RAB39A: variants seen among roughly 807,000 people sequenced by gnomAD.
RAB39A encodes the protein RAB39A, member RAS oncogene family.
RAB39A carries 17 observed loss-of-function variants against 20.9 expected under a neutral mutation model. The observed-to-expected ratio is 0.81, with a 90% CI of 0.56 to 1.22. The LOEUF (loss-of-function observed/expected upper bound fraction) is 1.22. Among genes scored for constraint, RAB39A ranks in the 50% most tolerant of loss-of-function variants. RAB39A has a pLI of 0.00. For synonymous variants in RAB39A, 99 were observed against 103.4 expected (o/e 0.96, Z 0.26); for missense variants, 234 against 270.5 (o/e 0.87, Z 0.95).
intron 1 of RAB39A, among the ~76,000 whole-genome samples, chr11:107,942,815 C>T (rs1294840386): frequency 1.3e-5 from 2 of 151,862 alleles, no homozygotes; most frequent in Non-Finnish European, 2.9e-5. Flanking sequence ...GTGTGTATGT[C>T]TCCAGAGGGC....
At chr11:107,950,598 C>T (rs1350989324) in intron 1 of RAB39A, among the ~76,000 whole-genome samples, 1 of 151,926 alleles carries the variant, frequency 6.6e-6, no homozygotes. Flanking sequence ...GAAACTTCGT[C>T]TCTACAAAAA....
At chr11:107,935,587 G>A in intron 1 of RAB39A, among the ~76,000 whole-genome samples, 1 of 152,008 alleles carries the variant, frequency 6.6e-6, no homozygotes, top group East Asian at 1.9e-4. Flanking sequence ...TGTTAGCCAG[G>A]CTTGTCTCGA....
In RAB39A at chr11:107,962,527, C is replaced by A; in HGVS notation, c.*155C>A. 1.4e-6 allele frequency: 1 copy of A among 702,096 alleles called. No homozygotes were observed. The highest frequency in any genetic ancestry group is 2.2e-6 in the Non-Finnish European group (1 of 451,964). The allele number at this position is 702,096 out of a possible 1,614,324, so 43.5% of individuals were successfully genotyped here. On this transcript the variant is annotated 3_prime_UTR_variant, in exon 2 of 2. Coordinates refer to ENST00000320578, the MANE Select transcript of RAB39A (RefSeq NM_017516.3). The stretch of plus-strand genomic sequence containing the variant: ...AAGGTATTTGATTCAGAGCATGATG[C>A]TTACTTGTTACACTACTAGATTGGG...
chr11:107,944,342 GGA>G (rs1260147169), intron 1 of RAB39A, among the ~76,000 whole-genome samples: 38 of 152,194 alleles, frequency 2.5e-4, no homozygotes, highest in African/African-American at 8.9e-4. Flanking sequence ...GAGAAGCTGG[GGA>G]ATATAGTCTC....
At chr11:107,937,841 A>G (rs1365367382) in intron 1 of RAB39A, among the ~76,000 whole-genome samples, 2 of 152,176 alleles carry the variant, frequency 1.3e-5, no homozygotes, top group African/African-American at 4.8e-5. Context: ...CTCATTGACT[A>G]CTTAACTATC....
intron 1 of RAB39A, among the ~76,000 whole-genome samples, chr11:107,935,662 C>T (rs11212446): frequency 0.3 from 45,877 of 151,868 alleles, 7,809 homozygotes; most frequent in East Asian, 0.58. Flanking sequence ...AGGTGTGAGC[C>T]ACCGCGCCCA....
At position 107,955,028 on chromosome 11, in the gene RAB39A, G is replaced by A. The variant is rs1273821355; in HGVS notation, c.228-6918G>A. Among the ~76,000 whole-genome samples, 11 of 101,480 alleles carry A rather than the reference G, an allele frequency of 1.1e-4. No homozygotes were observed. In the Admixed American group the frequency reaches 1.2e-3, roughly 11 times the overall value. The allele number at this position is 101,480 out of a possible 152,430, so 66.6% of individuals were successfully genotyped here. A position where few individuals can be genotyped will look rare whatever the true frequency, so the allele number is the denominator to read the frequency against. On this transcript the variant is annotated intron_variant, in intron 1 of 1. Coordinates refer to ENST00000320578, the MANE Select transcript of RAB39A (RefSeq NM_017516.3). ...TTTTTTTTTTTTGAGACAGAGTCTC[G>A]TTCTGTCGCCCAGGCTGGAGTGCAG...
chr11:107,946,861 G>A (rs879877989), intron 1 of RAB39A, among the ~76,000 whole-genome samples: 14 of 151,862 alleles, frequency 9.2e-5, no homozygotes, highest in Non-Finnish European at 1.6e-4. Context: ...GCTGAGGCAG[G>A]CAGATCACTT....
rs960621136 is a variant in RAB39A, at chr11:107,944,496, C to T, written c.227+15701C>T. On this transcript the variant is annotated intron_variant, in intron 1 of 1. Transcript: ENST00000320578. Reference sequence around the variant, plus strand: ...AGGCAACCTCCACCTCCCAGATTCTCCTGTCTCAGCCTCCCAAGTAGCTGG... The same window carrying T: ...AGGCAACCTCCACCTCCCAGATTCTTCTGTCTCAGCCTCCCAAGTAGCTGG... Among the ~76,000 whole-genome samples the T allele has an allele frequency of 1.8e-4, 28 of 152,098 alleles. 1 individual carries two copies. Among genetic ancestry groups the T allele is most frequent in the African/African-American group, 6.0e-4 (25 of 41,412 alleles).
chr11:107,950,512 A>G (rs1861366705), intron 1 of RAB39A, among the ~76,000 whole-genome samples: 1 of 152,198 alleles, frequency 6.6e-6, no homozygotes, highest in Non-Finnish European at 1.5e-5. Flanking sequence ...CATGCCTGTA[A>G]TCCCAGCACT....
intron 1 of RAB39A, among the ~76,000 whole-genome samples, chr11:107,953,981 T>G (rs1260451612): frequency 1.3e-5 from 2 of 152,236 alleles, no homozygotes; most frequent in Non-Finnish European, 2.9e-5. Flanking sequence ...CCACCACTGT[T>G]AAGTGAATTA....
At chr11:107,945,060 A>G (rs902443487) in intron 1 of RAB39A, among the ~76,000 whole-genome samples, 3 of 151,840 alleles carry the variant, frequency 2.0e-5, no homozygotes, top group Admixed American at 6.6e-5. Context: ...GCAGATGCCT[A>G]TAATCCCAGC....
intron 1 of RAB39A, among the ~76,000 whole-genome samples, chr11:107,950,179 CA>C (rs372247905): frequency 0.079 from 9,762 of 123,260 alleles, 310 homozygotes; most frequent in African/African-American, 0.11. Context: ...GACTCCGTCT[CA>C]AAAAAAAAAA....
At chr11:107,942,093 C>A (rs1591243681) in intron 1 of RAB39A, among the ~76,000 whole-genome samples, 5 of 60,722 alleles carry the variant, frequency 8.2e-5, no homozygotes, top group Non-Finnish European at 2.9e-5. Context: ...AGAGAGATTC[C>A]ATCTCAAAAA....
intron 1 of RAB39A, among the ~76,000 whole-genome samples, chr11:107,941,759 C>T (rs982813836): frequency 2.0e-5 from 3 of 151,994 alleles, no homozygotes; most frequent in African/African-American, 4.8e-5. Flanking sequence ...TATGGGATTA[C>T]GAAAGCAAAA....
At chr11:107,960,273 A>G (rs1285049015) in intron 1 of RAB39A, among the ~76,000 whole-genome samples, 2 of 152,218 alleles carry the variant, frequency 1.3e-5, no homozygotes, top group Non-Finnish European at 2.9e-5. Context: ...GCCATGCAGT[A>G]TGATTGACAT....
chr11:107,957,641 C>G (rs190869921), intron 1 of RAB39A, among the ~76,000 whole-genome samples: 227 of 152,322 alleles, frequency 1.5e-3, no homozygotes, highest in African/African-American at 5.3e-3. Flanking sequence ...ACCCCGAACC[C>G]TCTCCTCCAG....
At position 107,928,478 on chromosome 11, in the gene RAB39A, C is replaced by A. The variant is rs1861103603; in HGVS notation, c.-91C>A. ...CAGGAATATGCTGGAAGGCGGCGGGCGGGCGCCCGCGAGGTGCTGAAAGGA... is the reference window on the plus strand; with the variant it reads ...CAGGAATATGCTGGAAGGCGGCGGGAGGGCGCCCGCGAGGTGCTGAAAGGA... On this transcript the variant is annotated 5_prime_UTR_variant, in exon 1 of 2. Coordinates refer to ENST00000320578, the MANE Select transcript of RAB39A (RefSeq NM_017516.3). This position sits in a 1 kb window ranked among gnomAD's most constrained non-coding sequence, Gnocchi z 4.9. The A allele has an allele frequency of 2.1e-6, 2 of 971,438 alleles. No individual in the cohort carries two copies. Among genetic ancestry groups the A allele is most frequent in the South Asian group, 3.5e-5 (1 of 28,876 alleles). The allele number at this position is 971,438 out of a possible 1,614,324, so 60.2% of individuals were successfully genotyped here.
intron 1 of RAB39A, among the ~76,000 whole-genome samples, chr11:107,942,395 T>A (rs536443739): frequency 5.3e-5 from 8 of 152,266 alleles, no homozygotes; most frequent in African/African-American, 1.9e-4. Flanking sequence ...CAACAGTCTC[T>A]TGATTTATTT....
Sources: allele counts gnomAD v4.1 joint callset (sites outside exome capture counted in the v4.1 genomes callset), GRCh38; gene constraint gnomAD v4.1.1; non-coding constraint Gnocchi (gnomAD v3.1); transcripts MANE v1.5; gene names NCBI Gene and HGNC (gene_info 2026-07-23, HGNC 2026-07-21).